The following NSUN3 variants were observed in gnomAD, a reference collection of about 807,000 sequenced individuals.
NSUN3 encodes tRNA (cytosine(34)-C(5))-methyltransferase, mitochondrial.
Under a neutral mutation model 36.8 loss-of-function variants are expected in NSUN3, and 24 were observed. The observed-to-expected ratio is 0.65, with a 90% CI of 0.47 to 0.92. The LOEUF (loss-of-function observed/expected upper bound fraction) is 0.92. Among genes scored for constraint, NSUN3 ranks in the 40% least tolerant of loss-of-function variants. NSUN3 has a pLI of 0.00. For synonymous variants in NSUN3, 146 were observed against 145.2 expected (o/e 1.01, Z -0.04); for missense variants, 381 against 392.8 (o/e 0.97, Z 0.25).
chr3:94,079,842 G>T (rs762404603), intron 2 of NSUN3, among the ~76,000 whole-genome samples: 3 of 152,036 alleles, frequency 2.0e-5, no homozygotes, highest in Admixed American at 6.6e-5. Flanking sequence ...CTTTTTTCAA[G>T]GTTCTTAGCT....
intron 2 of NSUN3, among the ~76,000 whole-genome samples, chr3:94,070,312 T>G (rs891286823): frequency 1.3e-5 from 2 of 151,918 alleles, no homozygotes; most frequent in African/African-American, 4.8e-5. Context: ...AAATAAGCAA[T>G]TAGCTGGGTG....
intron 2 of NSUN3, chr3:94,076,575 T>C: frequency 4.7e-6 from 4 of 844,168 alleles, no homozygotes; most frequent in Non-Finnish European, 2.1e-6. Flanking sequence ...CACGGGTAGA[T>C]GGTGTGATCA....
At chr3:94,100,030 TC>T (rs1450057147) in intron 5 of NSUN3, among the ~76,000 whole-genome samples, 1 of 152,226 alleles carries the variant, frequency 6.6e-6, no homozygotes. Flanking sequence ...TGTATGAGTT[TC>T]ATTCATATGA....
At chr3:94,089,698 G>A (rs2077306758) in intron 3 of NSUN3, among the ~76,000 whole-genome samples, 3 of 152,226 alleles carry the variant, frequency 2.0e-5, no homozygotes, top group Admixed American at 2.0e-4. Flanking sequence ...GTGGGCCAGT[G>A]TATAAAGTCA....
At chr3:94,075,661 G>C (rs2077242605) in intron 2 of NSUN3, among the ~76,000 whole-genome samples, 1 of 151,952 alleles carries the variant, frequency 6.6e-6, no homozygotes, top group South Asian at 2.1e-4. Context: ...AGCTACTTTA[G>C]ACCAGGGTTT....
chr3:94,074,431 C>T (rs2077238315), intron 2 of NSUN3, among the ~76,000 whole-genome samples: 1 of 152,140 alleles, frequency 6.6e-6, no homozygotes, highest in African/African-American at 2.4e-5. Flanking sequence ...TCTTCTTATC[C>T]ATGAGCATGG....
Position 94,129,509 on chromosome 3 carries a change from G to A in NSUN3, c.*3019G>A, listed in dbSNP as rs1487727216. On this transcript the variant is annotated 3_prime_UTR_variant, in exon 6 of 6. Transcript: ENST00000314622. ...ACTACTAGAGTGGGGAGGGGAGGAGGGGGATGTAGGCTGAAAAACTACCTA... is the reference window on the plus strand; with the variant it reads ...ACTACTAGAGTGGGGAGGGGAGGAGAGGGATGTAGGCTGAAAAACTACCTA... Among the ~76,000 whole-genome samples the A allele has an allele frequency of 1.3e-5, 2 of 151,970 alleles. No homozygotes were observed. Among genetic ancestry groups the A allele is most frequent in the African/African-American group, 2.4e-5 (1 of 41,364 alleles).
intron 2 of NSUN3, among the ~76,000 whole-genome samples, chr3:94,069,924 C>T (rs2077218594): frequency 6.6e-6 from 1 of 152,114 alleles, no homozygotes; most frequent in Non-Finnish European, 1.5e-5. Context: ...TTAACTGTTT[C>T]TCAAAATTCA....
intron 5 of NSUN3, among the ~76,000 whole-genome samples, chr3:94,117,908 T>C (rs186860733): frequency 2.1e-4 from 32 of 152,290 alleles, no homozygotes; most frequent in African/African-American, 7.5e-4. Context: ...GGAGAAATGA[T>C]AGAGGGATTA....
intron 3 of NSUN3, chr3:94,084,732 AT>A (rs1449988926): frequency 1.8e-5 from 5 of 281,184 alleles, no homozygotes; most frequent in Non-Finnish European, 2.7e-5. Flanking sequence ...CCTGATAGGT[AT>A]TTTTTATTGT....
At chr3:94,122,684 TA>T (rs1209406703) in intron 5 of NSUN3, among the ~76,000 whole-genome samples, 1 of 152,120 alleles carries the variant, frequency 6.6e-6, no homozygotes, top group Non-Finnish European at 1.5e-5. Context: ...TTTATTCTTT[TA>T]AAAAAATAAT....
At chr3:94,115,443 G>C (rs750912836) in intron 5 of NSUN3, among the ~76,000 whole-genome samples, 9 of 152,144 alleles carry the variant, frequency 5.9e-5, no homozygotes, top group Non-Finnish European at 1.2e-4. Context: ...GAATAAAGAT[G>C]AGGAATAAAT....
intron 2 of NSUN3, among the ~76,000 whole-genome samples, chr3:94,073,393 G>A (rs1040930788): frequency 3.9e-5 from 6 of 152,152 alleles, no homozygotes; most frequent in Non-Finnish European, 7.4e-5. Flanking sequence ...CTTCCACAAT[G>A]GTTGAACTAA....
chr3:94,080,719 T>C (rs1414883901), intron 2 of NSUN3, among the ~76,000 whole-genome samples: 1 of 152,210 alleles, frequency 6.6e-6, no homozygotes, highest in Non-Finnish European at 1.5e-5. Context: ...TAAAACCACC[T>C]ACTCAAGCCT....
At chr3:94,100,977 TTTTTTA>T in intron 5 of NSUN3, among the ~76,000 whole-genome samples, 1 of 152,180 alleles carries the variant, frequency 6.6e-6, no homozygotes, top group Middle Eastern at 3.4e-3. Context: ...TGTTAATTTT[TTTTTTA>T]TTTTTATTTA....
intron 5 of NSUN3, among the ~76,000 whole-genome samples, chr3:94,096,253 T>C (rs1414082428): frequency 6.6e-6 from 1 of 152,146 alleles, no homozygotes; most frequent in East Asian, 1.9e-4. Context: ...AGATTACGTC[T>C]CAGCTGATTA....
At chr3:94,094,375 C>T (rs2077328905) in intron 4 of NSUN3, 81 bp downstream of exon 4, 1 of 1,388,066 alleles carries the variant, frequency 7.2e-7, no homozygotes, top group South Asian at 1.4e-5. Context: ...TATTTTCCAT[C>T]TGTTCTCAGA....
At chr3:94,118,273 T>C (rs1413224658) in intron 5 of NSUN3, among the ~76,000 whole-genome samples, 1 of 152,200 alleles carries the variant, frequency 6.6e-6, no homozygotes, top group East Asian at 1.9e-4. Context: ...TGCATTATAA[T>C]TGGGCATTTT....
At chr3:94,098,561 A>G (rs1024049123) in intron 5 of NSUN3, among the ~76,000 whole-genome samples, 4 of 152,078 alleles carry the variant, frequency 2.6e-5, no homozygotes, top group Non-Finnish European at 2.9e-5. Context: ...AAGAGCTGCA[A>G]TACTTCATAC....
Sources: gnomAD v4.1 joint callset for allele counts (sites outside exome capture counted in the v4.1 genomes callset) on GRCh38, gnomAD v4.1.1 for gene constraint, MANE v1.5 for transcripts, NCBI Gene and HGNC (gene_info 2026-07-23, HGNC 2026-07-21) for gene names.